The following HNF4G variants were observed in gnomAD, a reference collection of about 807,000 sequenced individuals.
The protein encoded by HNF4G is hepatocyte nuclear factor 4 gamma, also known as hepatocyte nuclear factor 4-gamma.
HNF4G carries 21 observed loss-of-function variants against 50.9 expected under a neutral mutation model. The observed-to-expected ratio is 0.41, with a 90% CI of 0.29 to 0.59. The LOEUF (loss-of-function observed/expected upper bound fraction) is 0.59. Among genes scored for constraint, HNF4G ranks in the 20% least tolerant of loss-of-function variants. The probability of loss-of-function intolerance (pLI) is 0.26; values close to 1 mark genes in which losing one functional copy is unlikely to be tolerated. For missense variants in HNF4G, 527 were observed against 559.4 expected (o/e 0.94, Z 0.58); for synonymous variants, 198 against 185.6 (o/e 1.07, Z -0.54).
chr8:75,464,615 T>C (rs1441830829), intron 1 of HNF4G, among the ~76,000 whole-genome samples: 1 of 152,222 alleles, frequency 6.6e-6, no homozygotes, highest in Non-Finnish European at 1.5e-5. Context: ...ATGAGAGTCT[T>C]ATTTTATTTG....
At chr8:75,486,005 T>C (rs1163955233) in intron 1 of HNF4G, among the ~76,000 whole-genome samples, 3 of 152,346 alleles carry the variant, frequency 2.0e-5, no homozygotes, top group Non-Finnish European at 1.5e-5. Context: ...AGGTCTGCTC[T>C]AGCTGCCAAC....
intron 1 of HNF4G, among the ~76,000 whole-genome samples, chr8:75,473,556 A>G (rs1812170438): frequency 6.6e-6 from 1 of 152,204 alleles, no homozygotes; most frequent in Non-Finnish European, 1.5e-5. Flanking sequence ...GGTGAAGAGA[A>G]TAGTGAAATC....
intron 1 of HNF4G, among the ~76,000 whole-genome samples, chr8:75,432,995 C>T (rs1811047697): frequency 6.6e-6 from 1 of 152,124 alleles, no homozygotes; most frequent in South Asian, 2.1e-4. Context: ...AGATCCCCTG[C>T]CCCAGTGAAG....
Position 75,540,137 on chromosome 8 carries a change from G to C in HNF4G, c.118+57G>C, listed in dbSNP as rs73331826. 2.7e-3 allele frequency: 2,762 copies of C among 1,018,132 alleles called. 61 individuals are homozygous for C. The African/African-American group carries it at 0.039, about 15-fold the overall frequency. The allele number at this position is 1,018,132 out of a possible 1,614,324, so 63.1% of individuals were successfully genotyped here. On this transcript the variant is annotated intron_variant, in intron 1 of 9. Transcript: ENST00000396423. ...AAAGTAAGTATAATTGGAGAAGGTGGAAGACTGAGCTTCCAAAGGTGGTGG... is the reference window on the plus strand; with the variant it reads ...AAAGTAAGTATAATTGGAGAAGGTGCAAGACTGAGCTTCCAAAGGTGGTGG...
At chr8:75,512,045 ATATC>A (rs1452635086) in intron 2 of HNF4G, among the ~76,000 whole-genome samples, 1 of 152,168 alleles carries the variant, frequency 6.6e-6, no homozygotes, top group African/African-American at 2.4e-5. Context: ...TTTTTAGTCT[ATATC>A]TAGGAAATTC....
intron 8 of HNF4G, 119 bp downstream of exon 8, chr8:75,559,156 A>AT: frequency 1.4e-6 from 1 of 732,950 alleles, no homozygotes; most frequent in Non-Finnish European, 2.3e-6. Context: ...ATGCTCCTGA[A>AT]TTTTTTTCCT....
intron 2 of HNF4G, among the ~76,000 whole-genome samples, chr8:75,494,397 C>T (rs1346570680): frequency 4.0e-5 from 6 of 149,828 alleles, no homozygotes; most frequent in South Asian, 2.1e-4. Context: ...GTGATAGATA[C>T]GTGAAAATTT....
rs35154891 is a variant in HNF4G at position 75,519,839 on chromosome 8, CGT to C, written c.-23-23951_-23-23950del. Among the ~76,000 whole-genome samples, 1,179 of 149,766 alleles carry C rather than the reference CGT, an allele frequency of 7.9e-3. 16 individuals are homozygous for C. The highest frequency in any genetic ancestry group is 0.025 in the African/African-American group (1,038 of 40,862). The stretch of plus-strand genomic sequence containing the variant: ...GGCAGTATATAATTGTGCATGTGAG[CGT>C]GTGTGTGTGTGTGTGTGTGTTTATT... On this transcript the variant is annotated intron_variant, in intron 2 of 10. Transcript: ENST00000354370.
chr8:75,522,946 G>T (rs1469457617), intron 2 of HNF4G, among the ~76,000 whole-genome samples: 2 of 152,090 alleles, frequency 1.3e-5, no homozygotes, highest in African/African-American at 2.4e-5. Context: ...CATTTTTGAG[G>T]CCAGACGCGG....
chr8:75,459,891 A>G (rs377677544), intron 1 of HNF4G, among the ~76,000 whole-genome samples: 2 of 151,698 alleles, frequency 1.3e-5, no homozygotes, highest in South Asian at 2.1e-4. Flanking sequence ...TCACATACAA[A>G]TGGAAAATCA....
chr8:75,489,322 A>G lies in HNF4G; in HGVS notation c.-143-767A>G, dbSNP rs1180995620. Reference sequence around the variant, plus strand: ...AGGGCAAATATTCCTACACATGTCAATATCTCACAAATTATTTATCTGCTC... The same window carrying G: ...AGGGCAAATATTCCTACACATGTCAGTATCTCACAAATTATTTATCTGCTC... On this transcript the variant is annotated intron_variant, in intron 1 of 10. Coordinates refer to the HNF4G transcript ENST00000354370. Among the ~76,000 whole-genome samples the G allele has an allele frequency of 2.6e-5, 4 of 152,214 alleles. No individual in the cohort carries two copies. The East Asian group carries it at 7.7e-4, about 29-fold the overall frequency.
chr8:75,564,139 T>C lies in HNF4G; in HGVS notation c.*43T>C. ...AACGGCACTACATAAATGTGAAAAG[T>C]TGTTGATCTTGAAATATCTCAGGAT... On this transcript the variant is annotated 3_prime_UTR_variant, in exon 10 of 10. Coordinates refer to ENST00000396423, the MANE Select transcript of HNF4G (RefSeq NM_004133.5). 1 of 1,603,302 alleles carries C rather than the reference T, an allele frequency of 6.2e-7. No individual in the cohort carries two copies. The highest frequency in any genetic ancestry group is 2.2e-5 in the East Asian group (1 of 44,692).
Position 75,503,027 on chromosome 8 carries a change from A to G in HNF4G, c.-24+12819A>G, listed in dbSNP as rs997344696. 5.9e-5 allele frequency among the ~76,000 whole-genome samples: 9 copies of G among 152,214 alleles called. No homozygotes were observed. In the East Asian group the frequency reaches 1.7e-3, roughly 29 times the overall value. ...GCATACACTTTTTCTGGACAGATACATAGTATCTACAAAATTGTGAGATAT... is the reference window on the plus strand; with the variant it reads ...GCATACACTTTTTCTGGACAGATACGTAGTATCTACAAAATTGTGAGATAT... On this transcript the variant is annotated intron_variant, in intron 2 of 10. Coordinates refer to the HNF4G transcript ENST00000354370.
At chr8:75,557,117 T>G (rs1363304988) in intron 6 of HNF4G, among the ~76,000 whole-genome samples, 1 of 152,190 alleles carries the variant, frequency 6.6e-6, no homozygotes, top group Non-Finnish European at 1.5e-5. Context: ...AATACTGTTC[T>G]TGTTATAGAC....
intron 1 of HNF4G, among the ~76,000 whole-genome samples, chr8:75,437,680 AT>A (rs533853360): frequency 1.3e-5 from 2 of 152,102 alleles, no homozygotes; most frequent in Non-Finnish European, 2.9e-5. Flanking sequence ...TCTCAAAAAA[AT>A]AATAATAAAA....
chr8:75,447,506 T>C (rs1176759472), intron 1 of HNF4G, among the ~76,000 whole-genome samples: 7 of 143,824 alleles, frequency 4.9e-5, no homozygotes, highest in Non-Finnish European at 1.1e-4. Context: ...ACCTACAACA[T>C]GGGAGAAAAT....
chr8:75,558,912 G>A lies in HNF4G; in HGVS notation c.998G>A (p.Gly333Glu). The A allele has an allele frequency of 1.2e-6, 2 of 1,614,048 alleles. No homozygotes were observed. The highest frequency in any genetic ancestry group is 1.7e-6 in the Non-Finnish European group (2 of 1,179,950). ...DRQYDSRGRF[G>E]ELLLLLPTLQ... ...CAGTATGACTCCCGGGGGAGGTTTG[G>A]AGAGTTGCTTCTGCTCCTGCCCACA... Residue 333 changes from glycine (G) to glutamate (E), a missense_variant, in exon 8 of 10, where the codon GGA becomes GAA. Physicochemically the swap from Gly to Glu is moderately conservative, Grantham distance 98. Around this residue, in one of 5 missense-constraint regions of HNF4G, gnomAD observed 308 missense variants for 301.5 expected, o/e 1.02. Coordinates refer to ENST00000396423, the MANE Select transcript of HNF4G (RefSeq NM_004133.5).
chr8:75,458,034 T>A (rs995723383), intron 1 of HNF4G, among the ~76,000 whole-genome samples: 2 of 152,096 alleles, frequency 1.3e-5, no homozygotes, highest in Non-Finnish European at 2.9e-5. Flanking sequence ...GGTCTCAAAC[T>A]ACTGGGTCCA....
intron 1 of HNF4G, among the ~76,000 whole-genome samples, chr8:75,481,666 A>G (rs1361982380): frequency 2.0e-5 from 3 of 152,270 alleles, no homozygotes; most frequent in African/African-American, 7.2e-5. Context: ...TTTCATCAAG[A>G]GGGGGTGTCA....
Sources: allele counts gnomAD v4.1 joint callset (sites outside exome capture counted in the v4.1 genomes callset), GRCh38; gene constraint gnomAD v4.1.1; regional missense constraint gnomAD v4.1.1; transcripts MANE v1.5; gene names NCBI Gene and HGNC (gene_info 2026-07-23, HGNC 2026-07-21).